SCUBE3: variants seen among roughly 807,000 people sequenced by gnomAD.
SCUBE3 encodes signal peptide, CUB and EGF-like domain-containing protein 3.
A neutral mutation model predicts 116.8 loss-of-function variants in SCUBE3; 33 were observed. The observed-to-expected ratio is 0.28, with a 90% CI of 0.21 to 0.38. The LOEUF is 0.38. Among genes scored for constraint, SCUBE3 ranks in the 10% least tolerant of loss-of-function variants. The pLI is 1.00. For synonymous variants in SCUBE3, 418 were observed against 496.9 expected, an observed-to-expected ratio of 0.84 and a Z score of 2.11; for missense variants, 1,007 against 1,324.8, an observed-to-expected ratio of 0.76 and a Z score of 3.72.
intron 6 of SCUBE3, among the ~76,000 whole-genome samples, chr6:35,237,602 C>T (rs1188144225): frequency 6.6e-6 from 1 of 152,104 alleles, no homozygotes; most frequent in African/African-American, 2.4e-5. Context: ...ACCTCCTCCA[C>T]CCCCTCGGCA....
rs1783638384 is a variant in SCUBE3, at chr6:35,233,562, G to T, written c.712+261G>T. Among the ~76,000 whole-genome samples, 1 of 152,208 alleles carries T rather than the reference G, an allele frequency of 6.6e-6. No individual in the cohort carries two copies. The highest frequency in any genetic ancestry group is 2.1e-4 in the South Asian group (1 of 4,828). On this transcript the variant is annotated intron_variant, in intron 6 of 21. Coordinates refer to ENST00000274938, the MANE Select transcript of SCUBE3 (RefSeq NM_152753.4). This position sits in a 1 kb window ranked among gnomAD's most constrained non-coding sequence, Gnocchi z 5.7. ...GAGCCTCACCACCCTCTTCATCCCAGGACAAAGTGTTGCCAAACTGGGAAT... is the reference window on the plus strand; with the variant it reads ...GAGCCTCACCACCCTCTTCATCCCATGACAAAGTGTTGCCAAACTGGGAAT...
At chr6:35,217,773 C>A (rs532646500) in intron 1 of SCUBE3, among the ~76,000 whole-genome samples, 2 of 152,162 alleles carry the variant, frequency 1.3e-5, no homozygotes, top group Non-Finnish European at 2.9e-5. Flanking sequence ...GTCCAGGCCA[C>A]ACTGGAGAGA....
chr6:35,220,334 A>T (rs1278834627), intron 1 of SCUBE3: 1 of 152,238 alleles, frequency 6.6e-6, no homozygotes, highest in African/African-American at 2.4e-5. Flanking sequence ...CACGTGAACC[A>T]ACCTGCATGA....
Position 35,231,823 on chromosome 6 carries a change from A to G in SCUBE3, c.433A>G (p.Ser145Gly). 2 of 1,613,490 alleles carry G rather than the reference A, an allele frequency of 1.2e-6. No individual in the cohort carries two copies. The highest frequency in any genetic ancestry group is 1.7e-6 in the Non-Finnish European group (2 of 1,179,556). ...ECHCREGFFL[S>G]DNQHTCIQRP... ...CCACTGCCGGGAAGGCTTCTTCCTC[A>G]GCGACAACCAGCATACCTGTATCCA... Residue 145 changes from serine (S) to glycine (G), a missense_variant, in exon 4 of 22, where the codon AGC becomes GGC. Physicochemically the swap from Ser to Gly is moderately conservative, Grantham distance 56. This residue lies in a region of SCUBE3 where 214 missense variants were observed against 316.7 expected (regional missense o/e 0.68). Coordinates refer to ENST00000274938, the MANE Select transcript of SCUBE3 (RefSeq NM_152753.4). This position sits in a 1 kb window ranked among gnomAD's most constrained non-coding sequence, Gnocchi z 4.2.
chr6:35,248,729 T>G lies in SCUBE3; in HGVS notation c.*24T>G. On this transcript the variant is annotated 3_prime_UTR_variant, in exon 22 of 22. Transcript: ENST00000274938. ...AGTAACCCTAGGCTCAGAGACCCAA[T>G]TTTTTAAGCCCCCAGACTCCTTAGC... 6.2e-7 allele frequency: 1 copy of G among 1,610,366 alleles called. No individual in the cohort carries two copies. Among genetic ancestry groups the G allele is most frequent in the Non-Finnish European group, 8.5e-7 (1 of 1,177,452 alleles).
rs1172351552 is a variant in SCUBE3, at chr6:35,231,391, C to T, written c.335-334C>T. Among the ~76,000 whole-genome samples the T allele has an allele frequency of 4.6e-5, 7 of 152,228 alleles. No homozygotes were observed. Among genetic ancestry groups the T allele is most frequent in the Non-Finnish European group, 1.0e-4 (7 of 68,048 alleles). ...GACCAATCTCCATCCTTACCTTCAT[C>T]ACTGTTCCTCTTTCTCTGGCTTCTT... On this transcript the variant is annotated intron_variant, in intron 3 of 21. Transcript: ENST00000274938. The surrounding 1 kb of genome is among the most constrained non-coding windows in gnomAD (Gnocchi z 4.2).
Position 35,243,032 on chromosome 6 carries a change from C to T in SCUBE3, c.1705C>T (p.Leu569=), listed in dbSNP as rs766679075. 6.2e-7 allele frequency: 1 copy of T among 1,614,026 alleles called. No homozygotes were observed. Among genetic ancestry groups the T allele is most frequent in the South Asian group, 1.1e-5 (1 of 91,088 alleles). The stretch of plus-strand genomic sequence containing the variant: ...CCATCCACCACCAGCCAGCTGTGGG[C>T]TGCCCTGCCTCCGACAGCGAATGGA... The part of the protein sequence containing the change: ...RAEETTASCG[L]PCLRQRMERR... The change falls in exon 15 of 22, where the codon CTG becomes TTG. Residue 569 remains leucine, a synonymous_variant. Transcript: ENST00000274938. This position sits in a 1 kb window ranked among gnomAD's most constrained non-coding sequence, Gnocchi z 6.6.
intron 1 of SCUBE3, chr6:35,218,154 G>A: frequency 1.0e-6 from 1 of 985,338 alleles, no homozygotes. Flanking sequence ...ACCGGTTTGA[G>A]ATGTGAGCAG....
chr6:35,214,592 C>T lies in SCUBE3; in HGVS notation c.85+89C>T. ...CGATTCCCGAGGGGCAGGGCAGGTG[C>T]TGGGGAGCGTGCTGCTGTCAGAACC... is the stretch of plus-strand genomic sequence containing the variant. On this transcript the variant is annotated intron_variant, in intron 1 of 21. Coordinates refer to ENST00000274938, the MANE Select transcript of SCUBE3 (RefSeq NM_152753.4). The surrounding 1 kb of genome is among the most constrained non-coding windows in gnomAD (Gnocchi z 6.3). The T allele has an allele frequency of 2.5e-6, 2 of 803,196 alleles. No individual in the cohort carries two copies. Among genetic ancestry groups the T allele is most frequent in the Admixed American group, 3.9e-5 (1 of 25,410 alleles). The allele number at this position is 803,196 out of a possible 1,614,324, so 49.8% of individuals were successfully genotyped here. A position where few individuals can be genotyped will look rare whatever the true frequency, so the allele number is the denominator to read the frequency against.
rs775057571 is a variant in SCUBE3, at chr6:35,241,866, G to C, written c.1373G>C (p.Arg458Pro). 3 of 1,611,974 alleles carry C rather than the reference G, an allele frequency of 1.9e-6. No homozygotes were observed. The African/African-American group carries it at 4.0e-5, about 22-fold the overall frequency. The change falls in exon 12 of 22, where the codon CGA (arginine) becomes CCA (proline). Residue 458 changes from arginine (R) to proline (P), a missense_variant. This residue lies in a region of SCUBE3 where 544 missense variants were observed against 638.9 expected (regional missense o/e 0.85). Coordinates refer to ENST00000274938, the MANE Select transcript of SCUBE3 (RefSeq NM_152753.4). The surrounding 1 kb of genome is among the most constrained non-coding windows in gnomAD (Gnocchi z 4.1). Reference protein sequence around the residue: ...GTPSPRAAPARAGHNGNSTNS... With the variant: ...GTPSPRAAPAPAGHNGNSTNS... Reference sequence around the variant, plus strand: ...CCCAGCCCCAGGGCTGCTCCAGCCCGAGCTGGCCACAATGGGAACAGCACC... The same window carrying C: ...CCCAGCCCCAGGGCTGCTCCAGCCCCAGCTGGCCACAATGGGAACAGCACC...
chr6:35,248,807 T>G lies in SCUBE3; in HGVS notation c.*102T>G. On this transcript the variant is annotated 3_prime_UTR_variant, in exon 22 of 22. Transcript: ENST00000274938. The stretch of plus-strand genomic sequence containing the variant: ...AGACAAGGAACTCTCTCCTCTCTTT[T>G]TGGAGGGAAAAAAAAAATATCACTA... 2 of 911,906 alleles carry G rather than the reference T, an allele frequency of 2.2e-6. No homozygotes were observed. Among genetic ancestry groups the G allele is most frequent in the Admixed American group, 2.3e-5 (1 of 43,230 alleles). The allele number at this position is 911,906 out of a possible 1,614,324, so 56.5% of individuals were successfully genotyped here.
Position 35,245,520 on chromosome 6 carries a change from A to AGTGAAGTTAGGGATCTATGAGG in SCUBE3, c.2599+101_2599+122dup. 5 of 1,044,030 alleles carry AGTGAAGTTAGGGATCTATGAGG rather than the reference A, an allele frequency of 4.8e-6. 1 individual carries two copies. Among genetic ancestry groups the AGTGAAGTTAGGGATCTATGAGG allele is most frequent in the Non-Finnish European group, 7.4e-6 (5 of 678,294 alleles). 64.7% of individuals were successfully genotyped at this position (1,044,030 alleles called of 1,614,324 possible). ...AGACTGATACAGGAAGAAATGGGGC[A>AGTGAAGTTAGGGATCTATGAGG]GTGAAGTTAGGGATCTATGAGGGTG... On this transcript the variant is annotated intron_variant, in intron 19 of 21. Transcript: ENST00000274938. The surrounding 1 kb of genome is among the most constrained non-coding windows in gnomAD (Gnocchi z 4.2).
Position 35,251,879 on chromosome 6 carries a change from T to G in SCUBE3, c.*3174T>G, listed in dbSNP as rs1268926943. ...GAGGAGTCAACGCTCAGGGACATTC[T>G]AGGTCTTTACAGGTCAGACAGAAGA... On this transcript the variant is annotated 3_prime_UTR_variant, in exon 22 of 22. Transcript: ENST00000274938. The G allele has an allele frequency of 6.6e-6, 1 of 152,216 alleles. No individual in the cohort carries two copies. Among genetic ancestry groups the G allele is most frequent in the Non-Finnish European group, 1.5e-5 (1 of 68,048 alleles). The allele number at this position is 152,216 out of a possible 1,614,324, so 9.4% of individuals were successfully genotyped here.
rs1364884018 is a variant in SCUBE3, at chr6:35,233,873, C to T, written c.712+572C>T. On this transcript the variant is annotated intron_variant, in intron 6 of 21. Coordinates refer to ENST00000274938, the MANE Select transcript of SCUBE3 (RefSeq NM_152753.4). This position sits in a 1 kb window ranked among gnomAD's most constrained non-coding sequence, Gnocchi z 5.7. ...TCTCCTCCTGCAACTCCCCTTTCTA[C>T]TCACCTCACCTTACCCCCCATTTCC... Among the ~76,000 whole-genome samples, 1 of 152,084 alleles carries T rather than the reference C, an allele frequency of 6.6e-6. No homozygotes were observed. The highest frequency in any genetic ancestry group is 1.5e-5 in the Non-Finnish European group (1 of 68,024).
At chr6:35,229,442 T>G (rs1293725110) in intron 3 of SCUBE3, among the ~76,000 whole-genome samples, 1 of 152,110 alleles carries the variant, frequency 6.6e-6, no homozygotes, top group Non-Finnish European at 1.5e-5. Context: ...ATAACCCACT[T>G]GAAGGCTGCT....
intron 21 of SCUBE3, among the ~76,000 whole-genome samples, chr6:35,246,910 C>T (rs1784364045): frequency 6.6e-6 from 1 of 151,894 alleles, no homozygotes; most frequent in South Asian, 2.1e-4. Context: ...ACTCAGGAGG[C>T]GCAGGTTGCA....
Position 35,228,689 on chromosome 6 carries a change from G to A in SCUBE3, c.284G>A (p.Cys95Tyr), listed in dbSNP as rs559129649. ...DCVNIPGNYR[C>Y]TCYDGFHLAH... The stretch of plus-strand genomic sequence containing the variant: ...GTCAACATCCCTGGCAATTACCGGT[G>A]TACCTGCTATGATGGATTCCACCTG... Residue 95 changes from cysteine to tyrosine, a missense_variant, in exon 3 of 22, where the codon TGT (cysteine) becomes TAT (tyrosine). Physicochemically the swap from Cys to Tyr is radical, Grantham distance 194 (BLOSUM62 -2). Coordinates refer to ENST00000274938, the MANE Select transcript of SCUBE3 (RefSeq NM_152753.4). The surrounding 1 kb of genome is among the most constrained non-coding windows in gnomAD (Gnocchi z 4.9). 1 of 1,614,114 alleles carries A rather than the reference G, an allele frequency of 6.2e-7. No individual in the cohort carries two copies. The highest frequency in any genetic ancestry group is 8.5e-7 in the Non-Finnish European group (1 of 1,179,944).
At position 35,214,522 on chromosome 6, in the gene SCUBE3, G is replaced by A. The variant is rs1043510254; in HGVS notation, c.85+19G>A. ...GCGCAAGGTAAGGAAGGAGGGGCGC[G>A]CGGCCTGGGGGCTGTCCTGGCTGCT... On this transcript the variant is annotated intron_variant, in intron 1 of 21. Coordinates refer to ENST00000274938, the MANE Select transcript of SCUBE3 (RefSeq NM_152753.4). This position sits in a 1 kb window ranked among gnomAD's most constrained non-coding sequence, Gnocchi z 6.3. 1 of 1,443,612 alleles carries A rather than the reference G, an allele frequency of 6.9e-7. No homozygotes were observed. Among genetic ancestry groups the A allele is most frequent in the South Asian group, 1.3e-5 (1 of 74,558 alleles). The allele number at this position is 1,443,612 out of a possible 1,614,324, so 89.4% of individuals were successfully genotyped here.
At position 35,248,795 on chromosome 6, in the gene SCUBE3, T is replaced by C; in HGVS notation, c.*90T>C. 3.0e-6 allele frequency: 3 copies of C among 988,860 alleles called. No individual in the cohort carries two copies. Among genetic ancestry groups the C allele is most frequent in the Non-Finnish European group, 4.6e-6 (3 of 655,610 alleles). The allele number at this position is 988,860 out of a possible 1,614,324, so 61.3% of individuals were successfully genotyped here. The stretch of plus-strand genomic sequence containing the variant: ...CCCCCTACCCTCAGACAAGGAACTC[T>C]CTCCTCTCTTTTTGGAGGGAAAAAA... On this transcript the variant is annotated 3_prime_UTR_variant, in exon 22 of 22. Coordinates refer to ENST00000274938, the MANE Select transcript of SCUBE3 (RefSeq NM_152753.4).
Sources: gnomAD v4.1 joint callset for allele counts (sites outside exome capture counted in the v4.1 genomes callset) on GRCh38, gnomAD v4.1.1 for gene constraint, gnomAD v4.1.1 regional missense constraint, Gnocchi (gnomAD v3.1) non-coding constraint, MANE v1.5 for transcripts, NCBI Gene and HGNC (gene_info 2026-07-23, HGNC 2026-07-21) for gene names.